Variants in CD72 observed in about 807,000 individuals in gnomAD.
CD72 encodes CD72 molecule.
Under a neutral mutation model 50.7 loss-of-function variants are expected in CD72, and 28 were observed. The observed-to-expected ratio is 0.55, with a 90% CI of 0.41 to 0.76. The LOEUF (loss-of-function observed/expected upper bound fraction) is 0.76. Ranked by LOEUF, CD72 falls within the 30% of genes least tolerant of loss-of-function variation. The probability of loss-of-function intolerance (pLI) is 0.00; values close to 1 mark genes in which losing one functional copy is unlikely to be tolerated. For synonymous variants in CD72, 176 were observed against 171.2 expected, an observed-to-expected ratio of 1.03 and a Z score of -0.22; for missense variants, 403 against 420.6, an observed-to-expected ratio of 0.96 and a Z score of 0.37.
intron 5 of CD72, among the ~76,000 whole-genome samples, chr9:35,614,018 C>CAAA (rs779396827): frequency 3.4e-3 from 324 of 94,738 alleles, no homozygotes; most frequent in African/African-American, 6.7e-3. Context: ...GACTCCGCCT[C>CAAA]AAAAAAAAAA....
intron 3 of CD72, chr9:35,616,947 G>GAGGGGA (rs1823073219): frequency 7.1e-7 from 1 of 1,410,106 alleles, no homozygotes. Flanking sequence ...CAGACGGAGA[G>GAGGGGA]AGGGGAAGGG....
intron 6 of CD72, 78 bp from the exon 7 acceptor site, chr9:35,611,997 G>T: frequency 2.5e-6 from 2 of 814,710 alleles, no homozygotes; most frequent in Non-Finnish European, 2.1e-6. Context: ...CCCTAGGGAG[G>T]CCTCAGCTTT....
upstream of CD72, among the ~76,000 whole-genome samples, chr9:35,624,534 C>T (rs879002483): frequency 1.3e-5 from 2 of 152,048 alleles, no homozygotes; most frequent in African/African-American, 2.4e-5. Flanking sequence ...TAGTGGGGAG[C>T]GATTACCCTG....
chr9:35,630,045 T>TC (rs1423077632), intron 1 of CD72, among the ~76,000 whole-genome samples: 53 of 150,260 alleles, frequency 3.5e-4, no homozygotes, highest in African/African-American at 1.3e-3. Flanking sequence ...TCTTTTTTTT[T>TC]TTTTTTTGGA....
chr9:35,614,961 G>C (rs1018526900), intron 5 of CD72, among the ~76,000 whole-genome samples: 4 of 152,108 alleles, frequency 2.6e-5, no homozygotes, highest in Admixed American at 2.6e-4. Flanking sequence ...TGGAGGCCTG[G>C]ACTGATGGGA....
chr9:35,637,316 G>A (rs1175674942), intron 1 of CD72, among the ~76,000 whole-genome samples: 1 of 152,206 alleles, frequency 6.6e-6, no homozygotes, highest in Non-Finnish European at 1.5e-5. Flanking sequence ...CCTGTTTGGT[G>A]GTCTCTTCAC....
At chr9:35,635,411 CT>C (rs939870999) in intron 1 of CD72, among the ~76,000 whole-genome samples, 2 of 152,146 alleles carry the variant, frequency 1.3e-5, no homozygotes, top group South Asian at 2.1e-4. Flanking sequence ...GATTTTGAGA[CT>C]TTTTTTCTAT....
At chr9:35,641,187 G>T (rs994972630) in intron 1 of CD72, among the ~76,000 whole-genome samples, 2 of 136,650 alleles carry the variant, frequency 1.5e-5, no homozygotes, top group Non-Finnish European at 3.4e-5. Context: ...GATTTCCTCG[G>T]GGGGGGTGCC....
intron 1 of CD72, among the ~76,000 whole-genome samples, chr9:35,627,918 C>T (rs1216157682): frequency 6.6e-6 from 1 of 151,982 alleles, no homozygotes; most frequent in Non-Finnish European, 1.5e-5. Flanking sequence ...TCACTGTAGC[C>T]TCAAACTCCT....
At chr9:35,635,104 G>C (rs980681059) in intron 1 of CD72, among the ~76,000 whole-genome samples, 1 of 152,036 alleles carries the variant, frequency 6.6e-6, no homozygotes, top group Non-Finnish European at 1.5e-5. Context: ...TAACTTTCAG[G>C]GTTGCAGATG....
chr9:35,642,138 A>T (rs1823346133), intron 1 of CD72, among the ~76,000 whole-genome samples: 1 of 152,192 alleles, frequency 6.6e-6, no homozygotes, highest in Admixed American at 6.5e-5. Context: ...TTCCATCAGT[A>T]TACAAGTTGA....
chr9:35,622,228 A>G (rs1475789372), upstream of CD72, among the ~76,000 whole-genome samples: 1 of 152,202 alleles, frequency 6.6e-6, no homozygotes, highest in Non-Finnish European at 1.5e-5. Flanking sequence ...CAAAGGCTTC[A>G]GAGTCAGGAG....
intron 3 of CD72, chr9:35,616,913 C>A: frequency 1.5e-6 from 2 of 1,322,732 alleles, no homozygotes; most frequent in Non-Finnish European, 2.0e-6. Flanking sequence ...GGGGGCGTTA[C>A]CTGGGAGAAG....
At chr9:35,611,686 T>C (rs1822987139) in intron 7 of CD72, 118 bp downstream of exon 7, 2 of 626,576 alleles carry the variant, frequency 3.2e-6, no homozygotes, top group African/African-American at 1.8e-5. Context: ...AATAGGCAAT[T>C]ACAGTGTTGA....
At chr9:35,643,436 A>G (rs887747445) in intron 1 of CD72, 2 of 152,244 alleles carry the variant, frequency 1.3e-5, no homozygotes, top group Admixed American at 6.5e-5. Flanking sequence ...TACTCACACC[A>G]TAGCCACTGC....
chr9:35,628,250 G>A (rs562437246), intron 1 of CD72, among the ~76,000 whole-genome samples: 9 of 152,152 alleles, frequency 5.9e-5, no homozygotes, highest in Non-Finnish European at 1.2e-4. Flanking sequence ...CTACAGGCAC[G>A]TGTTACCAGG....
intron 2 of CD72, among the ~76,000 whole-genome samples, chr9:35,617,800 G>A (rs754499686): frequency 4.6e-5 from 7 of 152,128 alleles, no homozygotes; most frequent in Non-Finnish European, 7.4e-5. Context: ...GCATGGGGGC[G>A]CACGCCTGCA....
intron 1 of CD72, among the ~76,000 whole-genome samples, chr9:35,632,427 C>T (rs962237095): frequency 6.6e-6 from 1 of 152,064 alleles, no homozygotes. Flanking sequence ...GCCTCGGCCT[C>T]CCAAAGTGCT....
rs371441052 is a variant in CD72, at chr9:35,638,759, C to T, written n.408+7644G>A. On this transcript the variant is annotated intron_variant and non_coding_transcript_variant, in intron 1 of 3. Coordinates refer to the CD72 transcript ENST00000465754. ...ACCGCTGGCTTCATGAGCCAGGCCT[C>T]CAGGAAGGCATCAGAGCAGTTCCCC... Among the ~76,000 whole-genome samples the T allele has an allele frequency of 1.7e-4, 25 of 151,482 alleles. No individual in the cohort carries two copies. In the East Asian group the frequency reaches 4.6e-3, roughly 28 times the overall value.
Sources: allele counts gnomAD v4.1 joint callset (sites outside exome capture counted in the v4.1 genomes callset), GRCh38; gene constraint gnomAD v4.1.1; transcripts MANE v1.5; gene names NCBI Gene and HGNC (gene_info 2026-07-23, HGNC 2026-07-21).